R3HDM1: variants seen among roughly 807,000 people sequenced by gnomAD.
R3HDM1 encodes the protein R3H domain containing 1, also known as R3H domain-containing protein 1.
Under a neutral mutation model 141.1 loss-of-function variants are expected in R3HDM1, and 46 were observed. That is an observed-to-expected ratio of 0.33 (90% CI 0.26 to 0.42). The LOEUF is 0.42. Ranked by LOEUF, R3HDM1 falls within the 10% of genes least tolerant of loss-of-function variation. The pLI is 1.00. For synonymous variants in R3HDM1, 435 were observed against 472.9 expected, an observed-to-expected ratio of 0.92 and a Z score of 1.04; for missense variants, 1,184 against 1,368.3, an observed-to-expected ratio of 0.87 and a Z score of 2.12.
chr2:135,716,300 C>T (rs547766159), intron 24 of R3HDM1, among the ~76,000 whole-genome samples: 1 of 152,186 alleles, frequency 6.6e-6, no homozygotes, highest in East Asian at 1.9e-4. Context: ...ACTCTTGTCT[C>T]AAAAATAAAA....
At chr2:135,687,620 TA>T (rs2071583106) in intron 21 of R3HDM1, among the ~76,000 whole-genome samples, 1 of 150,412 alleles carries the variant, frequency 6.6e-6, no homozygotes, top group African/African-American at 2.4e-5. Flanking sequence ...AAGCAACAAA[TA>T]TTTTTATTTT....
chr2:135,685,495 A>G (rs984208674), intron 21 of R3HDM1, among the ~76,000 whole-genome samples: 4 of 152,206 alleles, frequency 2.6e-5, no homozygotes, highest in African/African-American at 9.7e-5. Context: ...CACATTTAAT[A>G]TTACAACTGA....
rs552547993 is a variant in R3HDM1 at position 135,681,647 on chromosome 2, G to C, written c.2459+1323G>C. Among the ~76,000 whole-genome samples the C allele has an allele frequency of 2.6e-5, 4 of 152,240 alleles. No homozygotes were observed. The East Asian group carries it at 7.7e-4, about 29-fold the overall frequency. ...ATAGGACGTGTGTGCAGAAAATGGC[G>C]TTAGCATGATCTGAAGATGGAGTAG... On this transcript the variant is annotated intron_variant, in intron 21 of 26. Transcript: ENST00000683871.
chr2:135,566,190 A>G (rs1702751601), intron 1 of R3HDM1, among the ~76,000 whole-genome samples: 1 of 152,158 alleles, frequency 6.6e-6, no homozygotes, highest in Non-Finnish European at 1.5e-5. Flanking sequence ...ATTTTATCTG[A>G]TTGTCTACCC....
At chr2:135,650,773 T>G in intron 17 of R3HDM1, 1 of 983,450 alleles carries the variant, frequency 1.0e-6, no homozygotes, top group Non-Finnish European at 1.2e-6. Flanking sequence ...CTTTATCTTC[T>G]CCATAGCCGT....
intron 19 of R3HDM1, among the ~76,000 whole-genome samples, chr2:135,662,448 A>G (rs2066853165): frequency 6.6e-6 from 1 of 152,228 alleles, no homozygotes; most frequent in African/African-American, 2.4e-5. Flanking sequence ...CATGCTTAGC[A>G]TAGCCATGCA....
chr2:135,651,242 A>C (rs2065115117), intron 17 of R3HDM1: 1 of 985,208 alleles, frequency 1.0e-6, no homozygotes, highest in Non-Finnish European at 1.2e-6. Context: ...ATTTCTGCAA[A>C]TAATTTTCGT....
At chr2:135,591,108 T>C (rs943345015) in intron 1 of R3HDM1, among the ~76,000 whole-genome samples, 8 of 152,178 alleles carry the variant, frequency 5.3e-5, no homozygotes, top group Non-Finnish European at 7.3e-5. Context: ...TCATGTTAGA[T>C]CTACCAATTC....
chr2:135,537,608 CTTATTTTATTTTATTTTATTTTATT>C (rs60815896), intron 1 of R3HDM1, among the ~76,000 whole-genome samples: 78 of 107,394 alleles, frequency 7.3e-4, no homozygotes, highest in African/African-American at 2.1e-3. Flanking sequence ...TTAGTGAGCC[CTTATTTTATTTTATTTTATTTTATT>C]TTATTTTATT....
At chr2:135,582,669 C>T (rs1398863671) in intron 1 of R3HDM1, among the ~76,000 whole-genome samples, 1 of 152,152 alleles carries the variant, frequency 6.6e-6, no homozygotes, top group Non-Finnish European at 1.5e-5. Flanking sequence ...AGGAGGATAA[C>T]ATCCTCTGCA....
At chr2:135,607,847 T>C in intron 3 of R3HDM1, 1 of 983,062 alleles carries the variant, frequency 1.0e-6, no homozygotes, top group East Asian at 1.1e-4. Context: ...GAAAAATCTC[T>C]TCTTTACCAA....
chr2:135,683,261 T>C (rs1293437693), intron 21 of R3HDM1, among the ~76,000 whole-genome samples: 2 of 151,714 alleles, frequency 1.3e-5, no homozygotes, highest in African/African-American at 4.8e-5. Flanking sequence ...TGTACAGAAT[T>C]AAAGTTCTCT....
At chr2:135,544,315 A>C (rs1473389825) in intron 1 of R3HDM1, among the ~76,000 whole-genome samples, 1 of 152,222 alleles carries the variant, frequency 6.6e-6, no homozygotes, top group Non-Finnish European at 1.5e-5. Context: ...ACTCCCAAAA[A>C]AGGACACCAG....
intron 1 of R3HDM1, among the ~76,000 whole-genome samples, chr2:135,571,662 T>C (rs1165545427): frequency 6.6e-6 from 1 of 152,138 alleles, no homozygotes; most frequent in East Asian, 1.9e-4. Context: ...GGTCTCACTC[T>C]CTTGCCCAGG....
Position 135,651,385 on chromosome 2 carries a change from A to G in R3HDM1, c.1726-345A>G, listed in dbSNP as rs189982248. The G allele has an allele frequency of 3.5e-5, 34 of 983,418 alleles. No homozygotes were observed. In the East Asian group the frequency reaches 3.3e-3, roughly 95 times the overall value. 60.9% of individuals were successfully genotyped at this position (983,418 alleles called of 1,614,324 possible). Reference sequence around the variant, plus strand: ...AGTCCTTTCAGAAAATATTAATTGTATAATATGAACTTGGCCAATTTCACT... The same window carrying G: ...AGTCCTTTCAGAAAATATTAATTGTGTAATATGAACTTGGCCAATTTCACT... On this transcript the variant is annotated intron_variant, in intron 17 of 26. Coordinates refer to ENST00000683871, the MANE Select transcript of R3HDM1 (RefSeq NM_001378107.1).
chr2:135,583,015 C>T (rs1707152298), intron 1 of R3HDM1, among the ~76,000 whole-genome samples: 1 of 152,176 alleles, frequency 6.6e-6, no homozygotes, highest in African/African-American at 2.4e-5. Context: ...CATTTCGGCA[C>T]ATTTGCTTTC....
intron 1 of R3HDM1, among the ~76,000 whole-genome samples, chr2:135,547,582 C>T (rs990625801): frequency 2.0e-5 from 3 of 151,450 alleles, no homozygotes; most frequent in African/African-American, 4.9e-5. Context: ...TCTTATGTCC[C>T]GCTCACAGGT....
At chr2:135,542,149 TC>T (rs1476626463) in intron 1 of R3HDM1, among the ~76,000 whole-genome samples, 13 of 152,228 alleles carry the variant, frequency 8.5e-5, no homozygotes, top group Non-Finnish European at 1.9e-4. Context: ...TGTGGAATTT[TC>T]TACTTGTATT....
At position 135,597,135 on chromosome 2, in the gene R3HDM1, C is replaced by A. The variant is rs1036762693; in HGVS notation, c.-249-5365C>A. On this transcript the variant is annotated intron_variant, in intron 1 of 26. Coordinates refer to ENST00000683871, the MANE Select transcript of R3HDM1 (RefSeq NM_001378107.1). Reference sequence around the variant, plus strand: ...CTTACAAGACTCCACTAATTATTCTCTCTCATTCTTCAACTACCAAAAGTC... The same window carrying A: ...CTTACAAGACTCCACTAATTATTCTATCTCATTCTTCAACTACCAAAAGTC... 18 of 978,366 alleles carry A rather than the reference C, an allele frequency of 1.8e-5. No homozygotes were observed. In the African/African-American group the frequency reaches 2.8e-4, roughly 15 times the overall value. 60.6% of individuals were successfully genotyped at this position (978,366 alleles called of 1,614,324 possible). A position where few individuals can be genotyped will look rare whatever the true frequency, so the allele number is the denominator to read the frequency against.
Sources: gnomAD v4.1 joint callset for allele counts (sites outside exome capture counted in the v4.1 genomes callset) on GRCh38, gnomAD v4.1.1 for gene constraint, MANE v1.5 for transcripts, NCBI Gene and HGNC (gene_info 2026-07-23, HGNC 2026-07-21) for gene names.